Variants in ZNF346 observed in about 807,000 individuals in gnomAD.
ZNF346 encodes double-stranded RNA-binding zinc finger protein JAZ.
ZNF346 carries 23 observed loss-of-function variants against 33.7 expected under a neutral mutation model. The observed-to-expected ratio is 0.68, with a 90% CI of 0.49 to 0.97. The LOEUF (loss-of-function observed/expected upper bound fraction) is 0.97. Among genes scored for constraint, ZNF346 ranks in the 50% least tolerant of loss-of-function variants. The pLI is 0.00. For synonymous variants in ZNF346, 134 were observed against 142.4 expected, an observed-to-expected ratio of 0.94 and a Z score of 0.42; for missense variants, 340 against 371.1, an observed-to-expected ratio of 0.92 and a Z score of 0.69.
At chr5:177,028,496 T>TTATAGATA (rs1554142624) in intron 1 of ZNF346, among the ~76,000 whole-genome samples, 1 of 90,540 alleles carries the variant, frequency 1.1e-5, no homozygotes, top group Non-Finnish European at 2.0e-5. Context: ...TTGTGACGTT[T>TTATAGATA]TATATATATA....
At chr5:177,038,993 G>A (rs1778977987) in intron 1 of ZNF346, among the ~76,000 whole-genome samples, 1 of 151,750 alleles carries the variant, frequency 6.6e-6, no homozygotes, top group Non-Finnish European at 1.5e-5. Context: ...CCAGGTTCAA[G>A]TGATTGTCCT....
chr5:177,027,390 A>G (rs1337187777), intron 1 of ZNF346, among the ~76,000 whole-genome samples: 3 of 151,710 alleles, frequency 2.0e-5, no homozygotes, highest in Non-Finnish European at 4.4e-5. Flanking sequence ...ACGTGGAGAA[A>G]CCCTGTAAAT....
intron 6 of ZNF346, among the ~76,000 whole-genome samples, chr5:177,063,403 G>A (rs888413601): frequency 6.6e-6 from 1 of 152,172 alleles, no homozygotes; most frequent in African/African-American, 2.4e-5. Context: ...TCTGCCTGGA[G>A]TCTCCTCTCT....
chr5:177,054,399 T>A (rs746108709), intron 5 of ZNF346, among the ~76,000 whole-genome samples: 7 of 150,558 alleles, frequency 4.6e-5, no homozygotes, highest in Non-Finnish European at 1.0e-4. Flanking sequence ...TTATTTATTT[T>A]TTTATTTTGT....
In ZNF346 at chr5:177,048,378, T is replaced by C. The variant is rs144962894; in HGVS notation, c.518-2373T>C. On this transcript the variant is annotated intron_variant, in intron 4 of 6. Coordinates refer to ENST00000358149, the MANE Select transcript of ZNF346 (RefSeq NM_012279.4). ...TGCTCACGCCTGTAATTCCAGCACT[T>C]TGGGAGGCTGAGGCGGGTGGATCAC... Among the ~76,000 whole-genome samples, 25 of 152,278 alleles carry C rather than the reference T, an allele frequency of 1.6e-4. 1 individual carries two copies. The East Asian group carries it at 4.8e-3, about 29-fold the overall frequency.
chr5:177,028,040 CTTTTTTTTTTTTTTTTTT>C (rs10682528), intron 1 of ZNF346, among the ~76,000 whole-genome samples: 1 of 33,502 alleles, frequency 3.0e-5, no homozygotes, highest in Non-Finnish European at 4.9e-5. Context: ...CCTTGTGTCA[CTTTTTTTTTTTTTTTTTT>C]TTTTTTTTTT....
chr5:177,058,657 G>T (rs914129528), intron 5 of ZNF346, among the ~76,000 whole-genome samples: 1 of 152,148 alleles, frequency 6.6e-6, no homozygotes, highest in African/African-American at 2.4e-5. Context: ...CAGCTGATAA[G>T]CCCTTGATGT....
intron 1 of ZNF346, among the ~76,000 whole-genome samples, chr5:177,030,480 A>G (rs967103007): frequency 6.6e-6 from 1 of 151,334 alleles, no homozygotes; most frequent in African/African-American, 2.4e-5. Context: ...TTAGCCGGGC[A>G]TGGTGGTGCC....
intron 8 of ZNF346, among the ~76,000 whole-genome samples, chr5:177,075,027 G>T (rs173301): frequency 6.7e-6 from 1 of 150,172 alleles, no homozygotes; most frequent in African/African-American, 2.5e-5. Flanking sequence ...GATCGCGCCA[G>T]TGCACTCCAA....
intron 4 of ZNF346, among the ~76,000 whole-genome samples, chr5:177,050,039 G>T (rs1028351378): frequency 2.0e-5 from 3 of 152,208 alleles, no homozygotes; most frequent in African/African-American, 7.2e-5. Context: ...GTTTCACCAT[G>T]TTGGCCAGGA....
chr5:177,078,176 C>A (rs1420086164), intron 8 of ZNF346, among the ~76,000 whole-genome samples: 5 of 152,104 alleles, frequency 3.3e-5, no homozygotes, highest in Non-Finnish European at 7.4e-5. Context: ...AAAGGGAATG[C>A]CTGAGAGGAG....
intron 1 of ZNF346, among the ~76,000 whole-genome samples, chr5:177,034,462 A>G (rs1778192793): frequency 6.6e-6 from 1 of 152,126 alleles, no homozygotes; most frequent in Non-Finnish European, 1.5e-5. Flanking sequence ...CCTGGGCTCA[A>G]GCGGTCCTTC....
rs1006643633 is a variant in ZNF346, at chr5:177,067,558, C to G, written c.*2959C>G. Among the ~76,000 whole-genome samples the G allele has an allele frequency of 6.6e-6, 1 of 152,196 alleles. No individual in the cohort carries two copies. Among genetic ancestry groups the G allele is most frequent in the African/African-American group, 2.4e-5 (1 of 41,450 alleles). On this transcript the variant is annotated 3_prime_UTR_variant, in exon 7 of 7. Coordinates refer to ENST00000358149, the MANE Select transcript of ZNF346 (RefSeq NM_012279.4). Reference sequence around the variant, plus strand: ...GGCAGGGGGTGAGTGGGCTATCATACCGTGAGCCTCCGGCCTGCAAGACCA... The same window carrying G: ...GGCAGGGGGTGAGTGGGCTATCATAGCGTGAGCCTCCGGCCTGCAAGACCA...
intron 5 of ZNF346, among the ~76,000 whole-genome samples, chr5:177,052,172 A>T (rs1442401390): frequency 1.4e-5 from 2 of 142,852 alleles, no homozygotes; most frequent in South Asian, 4.4e-4. Flanking sequence ...CAAAAAAACA[A>T]TTTTTTTTTT....
intron 5 of ZNF346, among the ~76,000 whole-genome samples, chr5:177,053,317 C>CA (rs754883910): frequency 0.6 from 52,188 of 87,052 alleles, 14,507 homozygotes; most frequent in Middle Eastern, 0.7. Flanking sequence ...GACTTCATCT[C>CA]AAAAAAAAAA....
At chr5:177,036,990 C>T (rs1426951577) in intron 1 of ZNF346, among the ~76,000 whole-genome samples, 7 of 152,080 alleles carry the variant, frequency 4.6e-5, no homozygotes, top group Non-Finnish European at 7.4e-5. Context: ...CCGCTGATTC[C>T]TACTGTTCTT....
chr5:177,043,541 G>A (rs539437406), intron 3 of ZNF346, among the ~76,000 whole-genome samples: 15 of 152,070 alleles, frequency 9.9e-5, no homozygotes, highest in African/African-American at 2.7e-4. Flanking sequence ...TGAGGCAGGC[G>A]GATTGCTTGA....
chr5:177,075,090 T>A (rs1331417091), intron 8 of ZNF346, among the ~76,000 whole-genome samples: 3 of 149,334 alleles, frequency 2.0e-5, no homozygotes, highest in African/African-American at 7.4e-5. Context: ...GAATTTTTTT[T>A]AAATAAAAAT....
At chr5:177,036,005 A>G (rs1364036786) in intron 1 of ZNF346, among the ~76,000 whole-genome samples, 1 of 150,328 alleles carries the variant, frequency 6.7e-6, no homozygotes, top group African/African-American at 2.5e-5. Context: ...CTCCAACCTC[A>G]TAAACCTCTC....
Sources: gnomAD v4.1 joint callset for allele counts (sites outside exome capture counted in the v4.1 genomes callset) on GRCh38, gnomAD v4.1.1 for gene constraint, MANE v1.5 for transcripts, NCBI Gene and HGNC (gene_info 2026-07-23, HGNC 2026-07-21) for gene names.